The following FHIT variants were observed in gnomAD, a reference collection of about 807,000 sequenced individuals.
FHIT encodes the protein fragile histidine triad diadenosine triphosphatase.
In FHIT, 19 loss-of-function variants were observed where a neutral mutation model predicts 17.9. The ratio of observed to expected loss-of-function variants is 1.06; its 90% confidence interval spans 0.74 to 1.56. FHIT has a LOEUF of 1.56. Among genes scored for constraint, FHIT ranks in the 40% most tolerant of loss-of-function variants. The probability of loss-of-function intolerance (pLI) is 0.00; values close to 1 mark genes in which losing one functional copy is unlikely to be tolerated. For missense variants in FHIT, 248 were observed against 189.2 expected (o/e 1.31, Z -1.82); for synonymous variants, 81 against 69.7 (o/e 1.16, Z -0.81).
intron 4 of FHIT, among the ~76,000 whole-genome samples, chr3:60,537,668 G>A (rs1375062242): frequency 2.6e-5 from 4 of 152,112 alleles, no homozygotes; most frequent in African/African-American, 7.2e-5. Flanking sequence ...TGGGGGGCCG[G>A]GGGCAGGAAA....
At chr3:60,757,418 T>A (rs1575486614) in intron 4 of FHIT, among the ~76,000 whole-genome samples, 2 of 152,232 alleles carry the variant, frequency 1.3e-5, no homozygotes, top group South Asian at 4.1e-4. Flanking sequence ...ATAAATGCTG[T>A]GAAGGAAATA....
In FHIT at chr3:60,055,346, T is replaced by C. The variant is rs561446986; in HGVS notation, c.104-41194A>G. On this transcript the variant is annotated intron_variant, in intron 5 of 9. Transcript: ENST00000492590. ...TAAAAATGCCTGTCAAACACTGTCC[T>C]ACATACATGGATGAGAAAAAGAAAT... Among the ~76,000 whole-genome samples, 56 of 152,128 alleles carry C rather than the reference T, an allele frequency of 3.7e-4. 1 individual carries two copies. In the South Asian group the frequency reaches 0.011, roughly 30 times the overall value.
chr3:60,066,591 A>C (rs1297658863), intron 5 of FHIT, among the ~76,000 whole-genome samples: 6 of 133,096 alleles, frequency 4.5e-5, no homozygotes, highest in Non-Finnish European at 9.5e-5. Flanking sequence ...TGTACTGTTC[A>C]CTGACTATTT....
At chr3:60,074,210 C>G (rs1702906447) in intron 5 of FHIT, among the ~76,000 whole-genome samples, 1 of 152,042 alleles carries the variant, frequency 6.6e-6, no homozygotes, top group Non-Finnish European at 1.5e-5. Flanking sequence ...TTCAATCCAC[C>G]AAGTACTGGG....
intron 4 of FHIT, among the ~76,000 whole-genome samples, chr3:60,734,308 T>G (rs1553712054): frequency 6.6e-6 from 1 of 152,206 alleles, no homozygotes; most frequent in African/African-American, 2.4e-5. Context: ...GAGCTGAAGA[T>G]CCTATCATAT....
intron 8 of FHIT, among the ~76,000 whole-genome samples, chr3:59,870,673 A>C (rs962925928): frequency 6.6e-6 from 1 of 152,200 alleles, no homozygotes; most frequent in African/African-American, 2.4e-5. Flanking sequence ...TTAAGGTACC[A>C]TGCATGTGTC....
intron 3 of FHIT, among the ~76,000 whole-genome samples, chr3:61,024,989 T>G (rs541705360): frequency 2.0e-5 from 3 of 152,136 alleles, no homozygotes; most frequent in African/African-American, 7.2e-5. Flanking sequence ...TCTATATCTA[T>G]GAACTGTCAG....
At chr3:60,309,247 C>T (rs1708826033) in intron 5 of FHIT, among the ~76,000 whole-genome samples, 1 of 151,940 alleles carries the variant, frequency 6.6e-6, no homozygotes, top group African/African-American at 2.4e-5. Flanking sequence ...GGAAAATCCA[C>T]CTCACCAAAT....
At chr3:59,822,351 T>C (rs1575550035) in intron 8 of FHIT, among the ~76,000 whole-genome samples, 1 of 152,194 alleles carries the variant, frequency 6.6e-6, no homozygotes, top group Non-Finnish European at 1.5e-5. Flanking sequence ...GTTCCATTTT[T>C]AGTTCTTTAA....
At chr3:60,131,072 T>TACAC (rs1559661671) in intron 5 of FHIT, among the ~76,000 whole-genome samples, 2 of 47,150 alleles carry the variant, frequency 4.2e-5, no homozygotes, top group African/African-American at 2.7e-4. Flanking sequence ...CACATGTATG[T>TACAC]ATGTATACAC....
intron 5 of FHIT, among the ~76,000 whole-genome samples, chr3:60,076,325 G>A (rs1276710252): frequency 6.6e-6 from 1 of 152,028 alleles, no homozygotes; most frequent in Admixed American, 6.6e-5. Context: ...TTCAGAATGA[G>A]GTCCAGTACT....
At chr3:60,576,511 AT>A (rs1390221755) in intron 4 of FHIT, among the ~76,000 whole-genome samples, 14 of 152,198 alleles carry the variant, frequency 9.2e-5, no homozygotes, top group Admixed American at 2.6e-4. Flanking sequence ...GCATAAAAAA[AT>A]CTGGGACAAT....
intron 4 of FHIT, among the ~76,000 whole-genome samples, chr3:60,779,004 T>A (rs1700295098): frequency 6.6e-6 from 1 of 152,172 alleles, no homozygotes; most frequent in Non-Finnish European, 1.5e-5. Context: ...TCACAGGTAT[T>A]TGAGGATGCA....
intron 5 of FHIT, among the ~76,000 whole-genome samples, chr3:60,114,172 C>T (rs556724023): frequency 8.1e-5 from 12 of 148,202 alleles, no homozygotes; most frequent in African/African-American, 7.4e-5. Flanking sequence ...TTACTTAATC[C>T]TCATAATCAG....
intron 5 of FHIT, among the ~76,000 whole-genome samples, chr3:60,258,065 TACACACAC>T (rs67553597): frequency 3.0e-4 from 44 of 144,596 alleles, no homozygotes; most frequent in South Asian, 2.8e-3. Context: ...GGAAATTAAA[TACACACAC>T]ACACACACAC....
intron 1 of FHIT, among the ~76,000 whole-genome samples, chr3:61,210,736 C>A (rs1362494677): frequency 6.6e-6 from 1 of 152,072 alleles, no homozygotes; most frequent in African/African-American, 2.4e-5. Context: ...AGGGAATTCA[C>A]TGACCCCTTG....
intron 2 of FHIT, among the ~76,000 whole-genome samples, chr3:61,128,884 T>C (rs991041601): frequency 4.6e-5 from 7 of 152,112 alleles, no homozygotes; most frequent in Non-Finnish European, 8.8e-5. Context: ...AAAGGTTCAC[T>C]GGCATACATA....
chr3:61,048,735 C>T (rs2033910511), intron 2 of FHIT, among the ~76,000 whole-genome samples: 2 of 151,852 alleles, frequency 1.3e-5, no homozygotes, highest in South Asian at 4.1e-4. Flanking sequence ...ACCCAAATGT[C>T]CAACAATAGA....
At chr3:60,580,601 T>C (rs1226444329) in intron 4 of FHIT, among the ~76,000 whole-genome samples, 1 of 152,120 alleles carries the variant, frequency 6.6e-6, no homozygotes, top group African/African-American at 2.4e-5. Context: ...AGTTGTGTGC[T>C]GCTGAATGGA....
Sources: gnomAD v4.1 joint callset for allele counts (sites outside exome capture counted in the v4.1 genomes callset) on GRCh38, gnomAD v4.1.1 for gene constraint, MANE v1.5 for transcripts, NCBI Gene and HGNC (gene_info 2026-07-23, HGNC 2026-07-21) for gene names.